The following ZNF444 variants were observed in gnomAD, a reference collection of about 807,000 sequenced individuals.
ZNF444 encodes zinc finger protein 444, also known as endothelial zinc finger protein 2.
ZNF444 carries 8 observed loss-of-function variants against 14.4 expected under a neutral mutation model. The ratio of observed to expected loss-of-function variants is 0.56; its 90% CI spans 0.33 to 1.00. The LOEUF (loss-of-function observed/expected upper bound fraction) is 1.00, where lower values mean the gene tolerates loss of function less well. ZNF444 is among the 50% of genes least tolerant of loss of function. The pLI, the probability that ZNF444 is intolerant of heterozygous loss-of-function variation, is 0.03. For missense variants in ZNF444, 510 were observed against 504.8 expected, an observed-to-expected ratio of 1.01 and a Z score of -0.10; for synonymous variants, 258 against 235.9, an observed-to-expected ratio of 1.09 and a Z score of -0.86.
chr19:56,136,036 C>A (rs1030406519), intron 1 of ZNF444, among the ~76,000 whole-genome samples: 1 of 144,924 alleles, frequency 6.9e-6, no homozygotes, highest in African/African-American at 2.7e-5. Flanking sequence ...GAGCCAAGAT[C>A]TCACCACTGC....
chr19:56,147,337 A>G lies in ZNF444; in HGVS notation c.297+129A>G. The G allele has an allele frequency of 1.8e-6, 2 of 1,119,712 alleles. No individual in the cohort carries two copies. The highest frequency in any genetic ancestry group is 1.7e-5 in the African/African-American group (1 of 60,502). 69.4% of individuals were successfully genotyped at this position (1,119,712 alleles called of 1,614,324 possible). Reference sequence around the variant, plus strand: ...TGACTCGCGGTGGGGAGGCTGCGGTACAGGCTGCGGTACAGCGTGGAGGGA... The same window carrying G: ...TGACTCGCGGTGGGGAGGCTGCGGTGCAGGCTGCGGTACAGCGTGGAGGGA... On this transcript the variant is annotated intron_variant, in intron 3 of 4. Transcript: ENST00000337080. This position sits in a 1 kb window ranked among gnomAD's most constrained non-coding sequence, Gnocchi z 5.9.
At chr19:56,138,628 G>C (rs1426653208), upstream of ZNF444, among the ~76,000 whole-genome samples, 1 of 152,006 alleles carries the variant, frequency 6.6e-6, no homozygotes, top group Non-Finnish European at 1.5e-5. Context: ...TTCAGACCCT[G>C]TCTCAAATAA....
intron 3 of ZNF444, chr19:56,155,241 G>C (rs1023336884): frequency 6.6e-6 from 1 of 152,388 alleles, no homozygotes; most frequent in Non-Finnish European, 1.5e-5. Context: ...GCTCCCAACT[G>C]TCCTCCTGCC....
chr19:56,148,310 G>C (rs542823153), intron 3 of ZNF444, among the ~76,000 whole-genome samples: 22 of 152,190 alleles, frequency 1.4e-4, no homozygotes, highest in African/African-American at 5.3e-4. Flanking sequence ...CAGGGGCCCT[G>C]AGTGAGGGGG....
intron 3 of ZNF444, chr19:56,149,760 T>A (rs1356891744): frequency 6.6e-6 from 1 of 152,308 alleles, no homozygotes; most frequent in African/African-American, 2.4e-5. Flanking sequence ...CCTGTGTTAG[T>A]TTGCCAAGGA....
chr19:56,140,775 T>C (rs571964236), upstream of ZNF444, among the ~76,000 whole-genome samples: 66 of 152,024 alleles, frequency 4.3e-4, no homozygotes, highest in Middle Eastern at 0.01. Context: ...CCTCCTCCTC[T>C]TCGCTTGCCA....
At chr19:56,138,561 AAGC>A (rs1289934856), upstream of ZNF444, among the ~76,000 whole-genome samples, 4 of 152,162 alleles carry the variant, frequency 2.6e-5, no homozygotes, top group Non-Finnish European at 5.9e-5. Flanking sequence ...TGAGCCTGGG[AAGC>A]AGAAGTCACA....
At chr19:56,158,192 CTG>C (rs562023560) in intron 3 of ZNF444, 230 of 269,722 alleles carry the variant, frequency 8.5e-4, no homozygotes, top group Admixed American at 1.1e-3. Flanking sequence ...GGTCCGGAGT[CTG>C]TGAGTGGCTT....
chr19:56,147,253 GC>G lies in ZNF444; in HGVS notation c.297+47del. ...AAGCGGGGAAGGGAGAGGGGAAGGT[GC>G]CAGGGAAGCCACCAGGAAGCCCAGG... On this transcript the variant is annotated intron_variant, in intron 3 of 4. Transcript: ENST00000337080. This position sits in a 1 kb window ranked among gnomAD's most constrained non-coding sequence, Gnocchi z 5.9. The G allele has an allele frequency of 7.2e-7, 1 of 1,392,724 alleles. No homozygotes were observed. The highest frequency in any genetic ancestry group is 9.3e-7 in the Non-Finnish European group (1 of 1,079,874). 86.3% of individuals were successfully genotyped at this position (1,392,724 alleles called of 1,614,324 possible).
In ZNF444 at chr19:56,141,368, G is replaced by T. The variant is rs1273650007; in HGVS notation, c.-197+11G>T. On this transcript the variant is annotated intron_variant, in intron 1 of 4. Coordinates refer to ENST00000337080, the MANE Select transcript of ZNF444 (RefSeq NM_018337.4). ...GCCTGAGAGAGTGAGGTGAGCGAGG[G>T]GGGAAGGAGGGAGGGATTGGGTGGG... 1 of 107,268 alleles carries T rather than the reference G, an allele frequency of 9.3e-6. No homozygotes were observed. The highest frequency in any genetic ancestry group is 2.0e-5 in the Non-Finnish European group (1 of 51,250). 6.6% of individuals were successfully genotyped at this position (107,268 alleles called of 1,614,324 possible). A position where few individuals can be genotyped will look rare whatever the true frequency, so the allele number is the denominator to read the frequency against.
At chr19:56,140,532 C>A (rs1297834666), upstream of ZNF444, among the ~76,000 whole-genome samples, 1 of 152,136 alleles carries the variant, frequency 6.6e-6, no homozygotes, top group South Asian at 2.1e-4. Flanking sequence ...GGTGTCCTGT[C>A]CAGGTTCACA....
Position 56,159,665 on chromosome 19 carries a change from T to A in ZNF444, c.448T>A (p.Ser150Thr). The A allele has an allele frequency of 2.7e-6, 4 of 1,505,232 alleles. No homozygotes were observed. The highest frequency in any genetic ancestry group is 2.7e-6 in the Non-Finnish European group (3 of 1,131,962). The allele number at this position is 1,505,232 out of a possible 1,614,324, so 93.2% of individuals were successfully genotyped here. ...GGCTGAGGGGCCGGCGCCTGGGGAC[T>A]CCCAGGCTGTGCGCCCCTACAAGCA... ...PGAEGPAPGD[S>T]QAVRPYKQEP... Residue 150 changes from serine to threonine, a missense_variant, in exon 5 of 5, where the codon TCC (serine) becomes ACC (threonine). Transcript: ENST00000337080.
chr19:56,158,328 C>T, intron 3 of ZNF444, 166 bp from the exon 4 acceptor site: 1 of 600,316 alleles, frequency 1.7e-6, no homozygotes, highest in Non-Finnish European at 2.7e-6. Context: ...GGCCTTGGTT[C>T]CTCACCTGGG....
rs189333995 is a variant in ZNF444, at chr19:56,145,759, C to T, written c.-196-488C>T. On this transcript the variant is annotated intron_variant, in intron 1 of 4. Transcript: ENST00000337080. The surrounding 1 kb of genome is among the most constrained non-coding windows in gnomAD (Gnocchi z 4.3). ...CCCAGCGGAAGGGACTGGGACAGGCCGTCATAGCTGTCATAGCGGAGCACC... is the reference window on the plus strand; with the variant it reads ...CCCAGCGGAAGGGACTGGGACAGGCTGTCATAGCTGTCATAGCGGAGCACC... Among the ~76,000 whole-genome samples the T allele has an allele frequency of 1.3e-5, 2 of 152,270 alleles. No individual in the cohort carries two copies. The highest frequency in any genetic ancestry group is 4.8e-5 in the African/African-American group (2 of 41,540).
intron 2 of ZNF444, among the ~76,000 whole-genome samples, 180 bp from the exon 3 acceptor site, chr19:56,146,710 A>T (rs1600015280): frequency 6.6e-6 from 1 of 152,140 alleles, no homozygotes; most frequent in Non-Finnish European, 1.5e-5. Flanking sequence ...AATCGCCTGA[A>T]CCCGGGAGCT....
At chr19:56,134,703 ATACAT>A (rs1170481121) in intron 1 of ZNF444, among the ~76,000 whole-genome samples, 2 of 152,112 alleles carry the variant, frequency 1.3e-5, no homozygotes, top group Non-Finnish European at 2.9e-5. Context: ...CCCACTTACC[ATACAT>A]TAGGACCTGT....
chr19:56,143,023 T>A (rs2030930324), intron 1 of ZNF444, among the ~76,000 whole-genome samples: 2 of 152,162 alleles, frequency 1.3e-5, no homozygotes, highest in Non-Finnish European at 2.9e-5. Flanking sequence ...CACTAGCCAC[T>A]CAGTGGCTGT....
chr19:56,140,574 T>G (rs940833726), upstream of ZNF444, among the ~76,000 whole-genome samples: 2 of 152,092 alleles, frequency 1.3e-5, no homozygotes, highest in Non-Finnish European at 2.9e-5. Flanking sequence ...GCCCCCGCGC[T>G]GGCCCCCTCC....
intron 3 of ZNF444, among the ~76,000 whole-genome samples, chr19:56,152,951 C>T (rs2031676195): frequency 1.3e-5 from 2 of 152,186 alleles, no homozygotes; most frequent in African/African-American, 4.8e-5. Flanking sequence ...TGGTCTGCAG[C>T]AGTCTTCTGT....
Sources: allele counts gnomAD v4.1 joint callset (sites outside exome capture counted in the v4.1 genomes callset), GRCh38; gene constraint gnomAD v4.1.1; non-coding constraint Gnocchi (gnomAD v3.1); transcripts MANE v1.5; gene names NCBI Gene and HGNC (gene_info 2026-07-23, HGNC 2026-07-21).